The following PIK3C2G variants were observed in gnomAD, a reference collection of about 807,000 sequenced individuals.
The protein encoded by PIK3C2G is phosphatidylinositol-4-phosphate 3-kinase catalytic subunit type 2 gamma.
Under a neutral mutation model 181.1 loss-of-function variants are expected in PIK3C2G, and 168 were observed. The ratio of observed to expected loss-of-function variants is 0.93; its 90% confidence interval spans 0.82 to 1.05. PIK3C2G has a LOEUF of 1.05. PIK3C2G is among the 50% of genes least tolerant of loss of function. PIK3C2G has a pLI of 0.00. For missense variants in PIK3C2G, 1,869 were observed against 1,732.8 expected (o/e 1.08, Z -1.40); for synonymous variants, 573 against 592.2 (o/e 0.97, Z 0.47).
chr12:18,454,471 G>A (rs80303051), intron 18 of PIK3C2G, among the ~76,000 whole-genome samples: 1,631 of 152,222 alleles, frequency 0.011, 12 homozygotes, highest in Non-Finnish European at 0.017. Context: ...GCAATGTAGG[G>A]AAGTGTGAAA....
chr12:18,487,437 T>A (rs1182704972), intron 18 of PIK3C2G, among the ~76,000 whole-genome samples: 1 of 152,092 alleles, frequency 6.6e-6, no homozygotes, highest in East Asian at 1.9e-4. Context: ...CCTTTTTTTT[T>A]AAGTATTTAG....
chr12:18,514,863 T>A (rs978043627), intron 24 of PIK3C2G, among the ~76,000 whole-genome samples: 1 of 152,024 alleles, frequency 6.6e-6, no homozygotes. Flanking sequence ...TCATTTTGTA[T>A]GATGTTAGCT....
At chr12:18,614,276 T>C (rs1948489359) in intron 31 of PIK3C2G, among the ~76,000 whole-genome samples, 1 of 152,114 alleles carries the variant, frequency 6.6e-6, no homozygotes, top group Non-Finnish European at 1.5e-5. Context: ...AGAGTACCTG[T>C]CCAGATCTGG....
chr12:18,706,285 T>C, the PIK3C2G span, among the ~76,000 whole-genome samples: 3 of 151,552 alleles, frequency 2.0e-5, no homozygotes, highest in East Asian at 3.9e-4. Context: ...TATACTGCTA[T>C]AGAAAGTTAT....
chr12:18,270,163 G>C (rs1948688669), intron 1 of PIK3C2G, among the ~76,000 whole-genome samples: 1 of 152,026 alleles, frequency 6.6e-6, no homozygotes, highest in African/African-American at 2.4e-5. Context: ...ACCCACCTCA[G>C]CCTCCCAAAG....
At chr12:18,574,402 T>G (rs1592621354) in intron 29 of PIK3C2G, among the ~76,000 whole-genome samples, 1 of 152,300 alleles carries the variant, frequency 6.6e-6, no homozygotes, top group Admixed American at 6.5e-5. Flanking sequence ...AAAGAAAAAC[T>G]TATCTGTAAC....
chr12:18,302,022 T>C (rs951433539), intron 5 of PIK3C2G, among the ~76,000 whole-genome samples: 1 of 152,184 alleles, frequency 6.6e-6, no homozygotes, highest in African/African-American at 2.4e-5. Context: ...GCTACAGTTG[T>C]TAGTTCAGGC....
At chr12:18,275,497 T>G (rs1332939677) in intron 1 of PIK3C2G, among the ~76,000 whole-genome samples, 1 of 152,188 alleles carries the variant, frequency 6.6e-6, no homozygotes, top group Non-Finnish European at 1.5e-5. Context: ...TTCTCCTGTC[T>G]CAGCCTCCCA....
intron 26 of PIK3C2G, among the ~76,000 whole-genome samples, chr12:18,557,876 T>C (rs1349483363): frequency 6.6e-6 from 1 of 152,174 alleles, no homozygotes; most frequent in African/African-American, 2.4e-5. Flanking sequence ...TAGAACGATA[T>C]ACCACATTCG....
chr12:18,511,531 G>T (rs1256279038), intron 24 of PIK3C2G, among the ~76,000 whole-genome samples: 1 of 151,952 alleles, frequency 6.6e-6, no homozygotes, highest in Non-Finnish European at 1.5e-5. Context: ...ATGTGAGGTG[G>T]TTTCTCAGTG....
intron 1 of PIK3C2G, among the ~76,000 whole-genome samples, 167 bp downstream of exon 1, chr12:18,261,744 T>G (rs987535092): frequency 6.6e-6 from 1 of 152,168 alleles, no homozygotes; most frequent in Non-Finnish European, 1.5e-5. Flanking sequence ...AACAGAGATA[T>G]CCAGCTTGTA....
chr12:18,433,292 G>A (rs1197048725), intron 18 of PIK3C2G, among the ~76,000 whole-genome samples: 1 of 151,936 alleles, frequency 6.6e-6, no homozygotes, highest in African/African-American at 2.4e-5. Flanking sequence ...AGGAGGGTAG[G>A]TCATGAGATC....
chr12:18,457,618 A>T (rs1046057671), intron 18 of PIK3C2G, among the ~76,000 whole-genome samples: 2 of 152,078 alleles, frequency 1.3e-5, no homozygotes, highest in Non-Finnish European at 2.9e-5. Flanking sequence ...TCTGTCTGTA[A>T]TCATCTGTGC....
At chr12:18,664,935 C>T in the PIK3C2G span, among the ~76,000 whole-genome samples, 1 of 143,566 alleles carries the variant, frequency 7.0e-6, no homozygotes, top group Non-Finnish European at 1.5e-5. Context: ...CATGTTCTCA[C>T]TCATAGGTGG....
Position 18,346,833 on chromosome 12 carries a change from A to G in PIK3C2G, c.1622A>G (p.His541Arg). The change falls in exon 11 of 33, where the codon CAC becomes CGC. Residue 541 changes from histidine to arginine, a missense_variant. Physicochemically the swap from His to Arg is conservative, Grantham distance 29. Coordinates refer to ENST00000538779, the MANE Select transcript of PIK3C2G (RefSeq NM_001288772.2). ...AAHNIPETWVHSYKAFSFTCW... is the reference protein window; with the variant it reads ...AAHNIPETWVRSYKAFSFTCW... Reference sequence around the variant, plus strand: ...CACAACATTCCAGAAACCTGGGTGCACAGGTGAGTGGTGGTGAGTTTTTCA... The same window carrying G: ...CACAACATTCCAGAAACCTGGGTGCGCAGGTGAGTGGTGGTGAGTTTTTCA... The G allele has an allele frequency of 1.2e-6, 2 of 1,605,468 alleles. No individual in the cohort carries two copies. Among genetic ancestry groups the G allele is most frequent in the Non-Finnish European group, 1.7e-6 (2 of 1,174,346 alleles).
chr12:18,290,227 A>G (rs1364752760), intron 3 of PIK3C2G, among the ~76,000 whole-genome samples: 1 of 152,216 alleles, frequency 6.6e-6, no homozygotes, highest in Non-Finnish European at 1.5e-5. Flanking sequence ...GCCAGGATTC[A>G]AAGTCAAGGC....
At chr12:18,634,377 G>A (rs1016091170) in intron 31 of PIK3C2G, among the ~76,000 whole-genome samples, 2 of 152,174 alleles carry the variant, frequency 1.3e-5, no homozygotes, top group South Asian at 4.1e-4. Flanking sequence ...TGGAGGCAAC[G>A]TACTCCTCAC....
chr12:18,626,331 GTTTT>G (rs1949096845), intron 31 of PIK3C2G, among the ~76,000 whole-genome samples: 1 of 151,694 alleles, frequency 6.6e-6, no homozygotes, highest in Non-Finnish European at 1.5e-5. Context: ...ACCATTTTAT[GTTTT>G]TTATGTCTGA....
chr12:18,504,762 T>C (rs1941712943), intron 23 of PIK3C2G, among the ~76,000 whole-genome samples: 1 of 152,236 alleles, frequency 6.6e-6, no homozygotes, highest in African/African-American at 2.4e-5. Flanking sequence ...GATATATATG[T>C]ACTATACCAA....
Sources: gnomAD v4.1 joint callset for allele counts (sites outside exome capture counted in the v4.1 genomes callset) on GRCh38, gnomAD v4.1.1 for gene constraint, MANE v1.5 for transcripts, NCBI Gene and HGNC (gene_info 2026-07-23, HGNC 2026-07-21) for gene names.